Variants in RGS6 observed in about 807,000 individuals in gnomAD.
RGS6 encodes the protein regulator of G protein signaling 6.
In RGS6, 30 loss-of-function variants were observed where a neutral mutation model predicts 78.5. The ratio of observed to expected loss-of-function variants is 0.38; its 90% CI spans 0.29 to 0.52. The LOEUF is 0.52. Ranked by LOEUF, RGS6 falls within the 20% of genes least tolerant of loss-of-function variation. The pLI is 0.85. For missense variants in RGS6, 495 were observed against 609.7 expected (o/e 0.81, Z 1.98); for synonymous variants, 206 against 206.0 (o/e 1.00, Z 0.00).
chr14:72,072,123 C>T (rs533539439), intron 2 of RGS6, among the ~76,000 whole-genome samples: 1 of 152,172 alleles, frequency 6.6e-6, no homozygotes, highest in Admixed American at 6.5e-5. Context: ...CACCATGCTT[C>T]GGGCAGGTGC....
At chr14:72,105,684 C>T (rs549843733) in intron 2 of RGS6, among the ~76,000 whole-genome samples, 67 of 152,160 alleles carry the variant, frequency 4.4e-4, no homozygotes, top group African/African-American at 1.5e-3. Flanking sequence ...CTCTCAGGTG[C>T]GCTTTGCTTT....
rs192938137 is a variant in RGS6 at position 72,360,150 on chromosome 14, G to A, written c.184+7956G>A. Among the ~76,000 whole-genome samples, 141 of 152,268 alleles carry A rather than the reference G, an allele frequency of 9.3e-4. 1 individual carries two copies. Among genetic ancestry groups the A allele is most frequent in the African/African-American group, 3.2e-3 (131 of 41,548 alleles). ...CTTCAAGGAGTTATATCAAAGAATAGGTAAGAGAGGATTGAATTTAACATG... is the reference window on the plus strand; with the variant it reads ...CTTCAAGGAGTTATATCAAAGAATAAGTAAGAGAGGATTGAATTTAACATG... On this transcript the variant is annotated intron_variant, in intron 3 of 17. Coordinates refer to ENST00000553525, the MANE Select transcript of RGS6 (RefSeq NM_001204424.2).
chr14:72,137,885 T>C (rs1401186393), intron 2 of RGS6, among the ~76,000 whole-genome samples: 1 of 152,136 alleles, frequency 6.6e-6, no homozygotes, highest in Non-Finnish European at 1.5e-5. Context: ...TAAATATGAT[T>C]GATCAACTCT....
intron 3 of RGS6, among the ~76,000 whole-genome samples, chr14:72,417,866 T>G (rs746594496): frequency 2.0e-5 from 3 of 152,226 alleles, no homozygotes; most frequent in Non-Finnish European, 4.4e-5. Context: ...AAGAAGCAAC[T>G]GGACCACATA....
At chr14:72,263,942 C>G (rs1007787590) in intron 2 of RGS6, among the ~76,000 whole-genome samples, 3 of 152,222 alleles carry the variant, frequency 2.0e-5, no homozygotes, top group Non-Finnish European at 4.4e-5. Context: ...TTCTGGAACT[C>G]AGTTTCTAAT....
intron 2 of RGS6, among the ~76,000 whole-genome samples, chr14:72,130,878 G>A (rs2153589966): frequency 6.6e-6 from 1 of 152,334 alleles, no homozygotes; most frequent in South Asian, 2.1e-4. Context: ...TGGTATGTGT[G>A]TTGGGGGGAT....
intron 2 of RGS6, among the ~76,000 whole-genome samples, chr14:72,174,683 C>G (rs1032455348): frequency 6.6e-6 from 1 of 152,068 alleles, no homozygotes; most frequent in South Asian, 2.1e-4. Flanking sequence ...TCACCTCCTG[C>G]AAGCTAGGAG....
rs1399848659 is a variant in RGS6, at chr14:72,057,392, G to A, written c.84+92517G>A. Among the ~76,000 whole-genome samples, 5 of 151,040 alleles carry A rather than the reference G, an allele frequency of 3.3e-5. No homozygotes were observed. In the East Asian group the frequency reaches 7.8e-4, roughly 24 times the overall value. On this transcript the variant is annotated intron_variant, in intron 2 of 17. Transcript: ENST00000553525. ...ATGTCTACCTATTATGATGTCAAGG[G>A]TGTATTCCAGTTTGTATCTGTAGCT... is the stretch of plus-strand genomic sequence containing the variant.
intron 2 of RGS6, among the ~76,000 whole-genome samples, chr14:72,283,389 AT>A (rs2061916939): frequency 2.0e-5 from 3 of 152,296 alleles, no homozygotes; most frequent in Admixed American, 2.0e-4. Flanking sequence ...CTCATCTTGA[AT>A]TGTAGCTCCC....
chr14:72,465,696 G>C (rs923697498), intron 6 of RGS6, 62 bp from the exon 7 acceptor site: 2 of 1,175,314 alleles, frequency 1.7e-6, no homozygotes, highest in African/African-American at 3.0e-5. Context: ...ATGGATGGAT[G>C]GGCTTATAAT....
intron 2 of RGS6, among the ~76,000 whole-genome samples, chr14:72,208,400 G>A (rs1201607193): frequency 6.6e-6 from 1 of 152,154 alleles, no homozygotes; most frequent in East Asian, 1.9e-4. Context: ...TTCCTCAGTC[G>A]TTTGAGCCAA....
intron 3 of RGS6, among the ~76,000 whole-genome samples, chr14:72,405,097 A>G (rs2092804123): frequency 6.6e-6 from 1 of 152,182 alleles, no homozygotes; most frequent in Non-Finnish European, 1.5e-5. Flanking sequence ...GACAATCAGA[A>G]TTGTTTCAAA....
intron 2 of RGS6, among the ~76,000 whole-genome samples, chr14:72,157,997 C>G (rs11851166): frequency 6.6e-6 from 1 of 152,088 alleles, no homozygotes; most frequent in Non-Finnish European, 1.5e-5. Context: ...CCCTTAGCCC[C>G]GCACTTTGTC....
Position 72,476,776 on chromosome 14 carries a change from A to G in RGS6, c.728A>G (p.Gln243Arg). ...GGCGTGACTGAAGAGTCCCAGGCAC[A>G]GAGCCCGGTGCATGTACTCAGCCAA... is the stretch of plus-strand genomic sequence containing the variant. ...VYGVTEESQA[Q>R]SPVHVLSQPI... is the part of the protein sequence containing the mutation. Residue 243 changes from glutamine to arginine, a missense_variant, in exon 11 of 18, where the codon CAG becomes CGG. Gln to Arg is a conservative substitution (Grantham distance 43). Coordinates refer to ENST00000553525, the MANE Select transcript of RGS6 (RefSeq NM_001204424.2). The G allele has an allele frequency of 6.2e-7, 1 of 1,614,232 alleles. No individual in the cohort carries two copies. Among genetic ancestry groups the G allele is most frequent in the Middle Eastern group, 1.6e-4 (1 of 6,062 alleles).
chr14:72,249,053 C>T (rs1479519271), intron 2 of RGS6, among the ~76,000 whole-genome samples: 2 of 152,184 alleles, frequency 1.3e-5, no homozygotes, highest in East Asian at 1.9e-4. Flanking sequence ...AGCTGGGACT[C>T]CCTGTAACAA....
chr14:71,995,894 C>T (rs540163080), intron 2 of RGS6, among the ~76,000 whole-genome samples: 119 of 152,272 alleles, frequency 7.8e-4, no homozygotes, highest in African/African-American at 2.5e-3. Context: ...ACAAAGCTCC[C>T]GGGATCTCAC....
At chr14:72,353,611 AGAT>A (rs1326346731) in intron 3 of RGS6, among the ~76,000 whole-genome samples, 1 of 152,150 alleles carries the variant, frequency 6.6e-6, no homozygotes, top group Non-Finnish European at 1.5e-5. Flanking sequence ...GAGTTTTATG[AGAT>A]GATGATGATG....
intron 2 of RGS6, among the ~76,000 whole-genome samples, chr14:72,341,905 T>A (rs2077081655): frequency 8.3e-6 from 1 of 120,534 alleles, no homozygotes; most frequent in African/African-American, 3.5e-5. Flanking sequence ...GGACAAGGCC[T>A]TATGTTCCCT....
At chr14:71,953,219 G>A (rs2092493497) in intron 1 of RGS6, among the ~76,000 whole-genome samples, 1 of 152,102 alleles carries the variant, frequency 6.6e-6, no homozygotes, top group Non-Finnish European at 1.5e-5. Flanking sequence ...ACCTTCCCAG[G>A]TCTTAGTGCC....
Sources: gnomAD v4.1 joint callset for allele counts (sites outside exome capture counted in the v4.1 genomes callset) on GRCh38, gnomAD v4.1.1 for gene constraint, MANE v1.5 for transcripts, NCBI Gene and HGNC (gene_info 2026-07-23, HGNC 2026-07-21) for gene names.